The following FUT8 variants were observed in gnomAD, a reference collection of about 807,000 sequenced individuals.
FUT8 encodes fucosyltransferase 8, also known as alpha-(1,6)-fucosyltransferase.
A neutral mutation model predicts 71.3 loss-of-function variants in FUT8; 29 were observed. The ratio of observed to expected loss-of-function variants is 0.41; its 90% CI spans 0.30 to 0.55. The LOEUF (loss-of-function observed/expected upper bound fraction) is 0.55, where lower values mean the gene tolerates loss of function less well. Ranked by LOEUF, FUT8 falls within the 20% of genes least tolerant of loss-of-function variation. The pLI, the probability that FUT8 is intolerant of heterozygous loss-of-function variation, is 0.34. For synonymous variants in FUT8, 254 were observed against 239.3 expected (o/e 1.06, Z -0.57); for missense variants, 544 against 702.1 (o/e 0.77, Z 2.55).
chr14:65,713,686 G>T (rs1012428773), intron 7 of FUT8, among the ~76,000 whole-genome samples: 2 of 152,164 alleles, frequency 1.3e-5, no homozygotes, highest in African/African-American at 4.8e-5. Context: ...CTTCTTTTGA[G>T]AAATGTCTAA....
intron 2 of FUT8, among the ~76,000 whole-genome samples, chr14:65,505,746 C>G (rs1390056591): frequency 6.6e-6 from 1 of 152,024 alleles, no homozygotes; most frequent in Non-Finnish European, 1.5e-5. Flanking sequence ...CATCTTCATT[C>G]TCATTTGACT....
chr14:65,715,735 T>C (rs1256282831), intron 7 of FUT8, among the ~76,000 whole-genome samples: 1 of 152,218 alleles, frequency 6.6e-6, no homozygotes, highest in Non-Finnish European at 1.5e-5. Flanking sequence ...TTAAGGAACA[T>C]ATTATTTAAT....
rs1355196919 is a variant in FUT8 at position 65,516,060 on chromosome 14, A to G, written c.-227-45277A>G. Among the ~76,000 whole-genome samples the G allele has an allele frequency of 6.6e-5, 10 of 152,212 alleles. No homozygotes were observed. In the East Asian group the frequency reaches 1.9e-3, roughly 29 times the overall value. ...GTGCCTGTAGTCCCAACTACTCTGGAGGCTGAGGTGGGAGGATCCCTTGAG... is the reference window on the plus strand; with the variant it reads ...GTGCCTGTAGTCCCAACTACTCTGGGGGCTGAGGTGGGAGGATCCCTTGAG... On this transcript the variant is annotated intron_variant, in intron 2 of 10. Coordinates refer to ENST00000673929, the MANE Select transcript of FUT8 (RefSeq NM_001371533.1).
At chr14:65,694,867 G>A (rs1265907275) in intron 7 of FUT8, among the ~76,000 whole-genome samples, 3 of 132,796 alleles carry the variant, frequency 2.3e-5, no homozygotes, top group Non-Finnish European at 4.7e-5. Flanking sequence ...CACAGGAAGG[G>A]GAACATCACA....
chr14:65,734,503 A>G (rs997980666), intron 10 of FUT8, among the ~76,000 whole-genome samples: 4 of 152,212 alleles, frequency 2.6e-5, no homozygotes, highest in Admixed American at 1.3e-4. Context: ...CGTAGCAGCA[A>G]TCTTAATCAG....
chr14:65,555,275 C>T (rs1165247108), intron 2 of FUT8, among the ~76,000 whole-genome samples: 3 of 151,938 alleles, frequency 2.0e-5, no homozygotes. Flanking sequence ...TGGATTTTTA[C>T]CGAATGCTGC....
intron 2 of FUT8, among the ~76,000 whole-genome samples, chr14:65,462,018 G>T (rs2065975966): frequency 6.6e-6 from 1 of 152,166 alleles, no homozygotes; most frequent in Non-Finnish European, 1.5e-5. Flanking sequence ...TATTGGGTTT[G>T]TTTCAATTTC....
rs1257352461 is a variant in FUT8, at chr14:65,413,177, A to T, written c.-363A>T. 6.5e-6 allele frequency: 1 copy of T among 153,024 alleles called. No homozygotes were observed. The highest frequency in any genetic ancestry group is 1.9e-4 in the East Asian group (1 of 5,188). 9.5% of individuals were successfully genotyped at this position (153,024 alleles called of 1,614,324 possible). A position where few individuals can be genotyped will look rare whatever the true frequency, so the allele number is the denominator to read the frequency against. ...GAGGGCTGTGGCTTTGGCAGCTGCG[A>T]CGGGGAGCGGCGGAGACCGCCTCTG... On this transcript the variant is annotated 5_prime_UTR_variant, in exon 1 of 11. Coordinates refer to ENST00000673929, the MANE Select transcript of FUT8 (RefSeq NM_001371533.1). This position sits in a 1 kb window ranked among gnomAD's most constrained non-coding sequence, Gnocchi z 4.1.
At chr14:65,422,642 T>A (rs1460397901) in intron 1 of FUT8, among the ~76,000 whole-genome samples, 2 of 151,370 alleles carry the variant, frequency 1.3e-5, no homozygotes, top group Admixed American at 1.3e-4. Context: ...GGGATGCAAG[T>A]GTGCACCACT....
the FUT8 span, among the ~76,000 whole-genome samples, chr14:65,362,943 C>T: frequency 7.6e-5 from 8 of 104,608 alleles, no homozygotes; most frequent in East Asian, 2.0e-3. Context: ...GCCTGGGCAA[C>T]AGAGCAAGAC....
chr14:65,702,368 A>G (rs1027386884), intron 7 of FUT8, among the ~76,000 whole-genome samples: 1 of 152,056 alleles, frequency 6.6e-6, no homozygotes. Flanking sequence ...AAAGGGAACA[A>G]GAAAGTACCT....
At chr14:65,674,176 A>T (rs1892604145) in intron 7 of FUT8, among the ~76,000 whole-genome samples, 1 of 152,162 alleles carries the variant, frequency 6.6e-6, no homozygotes, top group African/African-American at 2.4e-5. Flanking sequence ...TAGTATTTTC[A>T]GTCTTTGATA....
intron 6 of FUT8, among the ~76,000 whole-genome samples, chr14:65,668,327 T>C (rs1892315597): frequency 6.6e-6 from 1 of 152,114 alleles, no homozygotes; most frequent in African/African-American, 2.4e-5. Context: ...AAAGGTCTAA[T>C]ATCCAGAATC....
At chr14:65,408,919 C>T (rs926955084), upstream of FUT8, among the ~76,000 whole-genome samples, 17 of 152,186 alleles carry the variant, frequency 1.1e-4, no homozygotes, top group African/African-American at 3.4e-4. Flanking sequence ...GAGTTCAAGA[C>T]GAGCCTTGGC....
intron 1 of FUT8, among the ~76,000 whole-genome samples, chr14:65,450,741 A>G (rs1441960966): frequency 1.3e-5 from 2 of 152,160 alleles, no homozygotes; most frequent in Non-Finnish European, 2.9e-5. Context: ...TTCACCTATC[A>G]TGAAAGTAAA....
chr14:65,598,738 A>G (rs1343155463), intron 3 of FUT8, among the ~76,000 whole-genome samples: 1 of 152,192 alleles, frequency 6.6e-6, no homozygotes, highest in African/African-American at 2.4e-5. Context: ...ATTGGAAGAT[A>G]TATTTTATTT....
the FUT8 span, among the ~76,000 whole-genome samples, chr14:65,397,439 G>C: frequency 1.3e-5 from 2 of 152,182 alleles, no homozygotes; most frequent in East Asian, 3.8e-4. This position sits in a 1 kb window ranked among gnomAD's most constrained non-coding sequence, Gnocchi z 4.2. Context: ...ATGATGATGA[G>C]AAAAAAATTT....
intron 2 of FUT8, among the ~76,000 whole-genome samples, chr14:65,553,909 C>T (rs1389482506): frequency 4.6e-5 from 7 of 151,542 alleles, no homozygotes; most frequent in African/African-American, 1.5e-4. Context: ...ACTAGCAATT[C>T]TCTGCATTTC....
intron 1 of FUT8, among the ~76,000 whole-genome samples, chr14:65,433,289 A>G (rs533495452): frequency 2.0e-5 from 3 of 152,276 alleles, no homozygotes; most frequent in African/African-American, 7.2e-5. Flanking sequence ...AATTGCTATG[A>G]TGAAGGGTGA....
Sources: allele counts gnomAD v4.1 joint callset (sites outside exome capture counted in the v4.1 genomes callset), GRCh38; gene constraint gnomAD v4.1.1; non-coding constraint Gnocchi (gnomAD v3.1); transcripts MANE v1.5; gene names NCBI Gene and HGNC (gene_info 2026-07-23, HGNC 2026-07-21).